Variants in MGAT5B observed in about 807,000 individuals in gnomAD.
The protein encoded by MGAT5B is alpha-1,6-mannosylglycoprotein 6-beta-N-acetylglucosaminyltransferase B, also known as N-acetylglucosaminyl-transferase Vb.
Under a neutral mutation model 95.1 loss-of-function variants are expected in MGAT5B, and 54 were observed. The observed-to-expected ratio is 0.57, with a 90% CI of 0.46 to 0.71. The LOEUF (loss-of-function observed/expected upper bound fraction) is 0.71, where lower values mean the gene tolerates loss of function less well. Among genes scored for constraint, MGAT5B ranks in the 30% least tolerant of loss-of-function variants. The pLI, the probability that MGAT5B is intolerant of heterozygous loss-of-function variation, is 0.00. For synonymous variants in MGAT5B, 464 were observed against 451.0 expected (o/e 1.03, Z -0.36); for missense variants, 935 against 1,088.6 (o/e 0.86, Z 1.99).
chr17:76,935,791 CA>C (rs1302361915), intron 12 of MGAT5B, among the ~76,000 whole-genome samples: 1 of 141,214 alleles, frequency 7.1e-6, no homozygotes, highest in African/African-American at 2.6e-5. Context: ...TCTTTTTAAA[CA>C]TATATATATT....
In MGAT5B at chr17:76,904,219, G is replaced by A. The variant is rs758165033; in HGVS notation, c.520-33G>A. 90 of 1,575,806 alleles carry A rather than the reference G, an allele frequency of 5.7e-5. 1 individual carries two copies. In the South Asian group the frequency reaches 8.1e-4, roughly 14 times the overall value. ...GTCCCCGAGGGTCAGTGGGGCTGGCGCAGCCCCCTGCCCAGCCTGGCCCTC... is the reference window on the plus strand; with the variant it reads ...GTCCCCGAGGGTCAGTGGGGCTGGCACAGCCCCCTGCCCAGCCTGGCCCTC... On this transcript the variant is annotated intron_variant, in intron 5 of 17. Transcript: ENST00000569840.
In MGAT5B at chr17:76,925,086, C is replaced by T; in HGVS notation, c.1146C>T (p.Phe382=). The T allele has an allele frequency of 6.2e-7, 1 of 1,611,226 alleles. No individual in the cohort carries two copies. The highest frequency in any genetic ancestry group is 8.5e-7 in the Non-Finnish European group (1 of 1,179,302). Residue 382 remains phenylalanine (F), a synonymous_variant, in exon 9 of 18, where the codon TTC becomes TTT. Coordinates refer to ENST00000569840, the MANE Select transcript of MGAT5B (RefSeq NM_001199172.2). Reference sequence around the variant, plus strand: ...TGAAGCGGCACATGGGACTCTCCTTCAAGAAGTACCGGTGAGAGGGCGGCC... The same window carrying T: ...TGAAGCGGCACATGGGACTCTCCTTTAAGAAGTACCGGTGAGAGGGCGGCC... ...QQMKRHMGLS[F]KKYRCRIRVI...
At chr17:76,946,508 G>A in intron 16 of MGAT5B, 58 bp downstream of exon 16, 12 of 1,442,898 alleles carry the variant, frequency 8.3e-6, no homozygotes, top group Non-Finnish European at 1.0e-5. Flanking sequence ...AGGGGGCTGA[G>A]CCAGCTTCAT....
chr17:76,902,825 A>G (rs1368525277), intron 4 of MGAT5B, among the ~76,000 whole-genome samples, 155 bp downstream of exon 4: 1 of 148,294 alleles, frequency 6.7e-6, no homozygotes, highest in Non-Finnish European at 1.5e-5. Flanking sequence ...GGCTTTCAGC[A>G]GGACAACTGG....
At chr17:76,933,321 C>T in intron 12 of MGAT5B, 24 bp downstream of exon 12, 1 of 1,598,222 alleles carries the variant, frequency 6.3e-7, no homozygotes. Context: ...TTGCCGCCTG[C>T]CCCCTCTACC....
rs146993869 is a variant in MGAT5B at position 76,940,752 on chromosome 17, C to T, written c.1752C>T (p.Tyr584=). ...TSREVFSQHP[Y]AENFIGKPHV... ...GCCAGGTGTTCTCCCAGCATCCCTA[C>T]GCGGAGAACTTCATCGGCAAGCCCC... The change falls in exon 15 of 18, where the codon TAC becomes TAT. Residue 584 remains tyrosine (Y), a synonymous_variant. Coordinates refer to ENST00000569840, the MANE Select transcript of MGAT5B (RefSeq NM_001199172.2). This position sits in a 1 kb window ranked among gnomAD's most constrained non-coding sequence, Gnocchi z 4.3. 1.1e-3 allele frequency: 1,756 copies of T among 1,614,108 alleles called. 2 individuals carry two copies. The highest frequency in any genetic ancestry group is 2.3e-3 in the Middle Eastern group (14 of 6,058).
chr17:76,911,235 C>T (rs2145206103), intron 8 of MGAT5B, among the ~76,000 whole-genome samples: 1 of 152,344 alleles, frequency 6.6e-6, no homozygotes, highest in African/African-American at 2.4e-5. Flanking sequence ...GAGGCTGTGG[C>T]TTTTCTAAGC....
chr17:76,947,256 G>A (rs752823913), intron 16 of MGAT5B, among the ~76,000 whole-genome samples: 30 of 152,208 alleles, frequency 2.0e-4, no homozygotes, highest in Non-Finnish European at 4.0e-4. Context: ...ATTAGGGGCT[G>A]AGAGAGTCTG....
At chr17:76,939,806 G>T (rs951537573) in intron 13 of MGAT5B, among the ~76,000 whole-genome samples, 2 of 152,030 alleles carry the variant, frequency 1.3e-5, no homozygotes, top group African/African-American at 4.8e-5. Context: ...ATTCACTTAG[G>T]ATATTGGCCT....
intron 8 of MGAT5B, among the ~76,000 whole-genome samples, chr17:76,922,300 G>A (rs1969145451): frequency 1.3e-5 from 2 of 152,180 alleles, no homozygotes; most frequent in African/African-American, 4.8e-5. Flanking sequence ...ATTCCATGTG[G>A]GAGGAGCAGC....
chr17:76,874,628 G>C (rs1404287334), intron 2 of MGAT5B, among the ~76,000 whole-genome samples: 6 of 152,178 alleles, frequency 3.9e-5, no homozygotes, highest in Non-Finnish European at 8.8e-5. Flanking sequence ...TGGGAATTAG[G>C]GATGGGGGAG....
In MGAT5B at chr17:76,870,098, C is replaced by T. The variant is rs902021698; in HGVS notation, c.68+1001C>T. Reference sequence around the variant, plus strand: ...GTGGGCTCCGGGCGCGGGAAGGAGCCCGAGAAGGCGGAGCTTGCAGGGGCC... The same window carrying T: ...GTGGGCTCCGGGCGCGGGAAGGAGCTCGAGAAGGCGGAGCTTGCAGGGGCC... On this transcript the variant is annotated intron_variant, in intron 1 of 17. Transcript: ENST00000569840. This position sits in a 1 kb window ranked among gnomAD's most constrained non-coding sequence, Gnocchi z 5.0. Among the ~76,000 whole-genome samples, 4 of 152,160 alleles carry T rather than the reference C, an allele frequency of 2.6e-5. No homozygotes were observed. Among genetic ancestry groups the T allele is most frequent in the African/African-American group, 9.7e-5 (4 of 41,446 alleles).
intron 3 of MGAT5B, among the ~76,000 whole-genome samples, chr17:76,900,467 G>A (rs891649913): frequency 1.3e-5 from 2 of 152,236 alleles, no homozygotes; most frequent in Non-Finnish European, 2.9e-5. Context: ...TCCATGGCTG[G>A]TGTTCTTATA....
Position 76,916,369 on chromosome 17 carries a change from C to T in MGAT5B, c.1026-8597C>T, listed in dbSNP as rs1015923933. On this transcript the variant is annotated intron_variant, in intron 8 of 17. Transcript: ENST00000569840. The surrounding 1 kb of genome is among the most constrained non-coding windows in gnomAD (Gnocchi z 5.3). The stretch of plus-strand genomic sequence containing the variant: ...AAGACCGATGGAGGCCGTGCCGTGT[C>T]GCCTTTCCCAGCTCTGGCCTGGCCT... 3.9e-5 allele frequency among the ~76,000 whole-genome samples: 6 copies of T among 152,348 alleles called. No individual in the cohort carries two copies. In the East Asian group the frequency reaches 7.7e-4, roughly 20 times the overall value.
intron 15 of MGAT5B, among the ~76,000 whole-genome samples, chr17:76,945,517 G>T (rs1418728292): frequency 1.3e-5 from 2 of 152,100 alleles, no homozygotes; most frequent in African/African-American, 2.4e-5. Flanking sequence ...TTGAACTCCT[G>T]ACCTCAGGCG....
At chr17:76,937,182 C>T (rs1402103581) in intron 12 of MGAT5B, among the ~76,000 whole-genome samples, 1 of 152,186 alleles carries the variant, frequency 6.6e-6, no homozygotes, top group Non-Finnish European at 1.5e-5. Flanking sequence ...AAAATGGATT[C>T]AGCCCCTGCA....
chr17:76,905,290 G>A lies in MGAT5B; in HGVS notation c.812G>A (p.Arg271His), dbSNP rs200952928. ...LTAQWALAAQ[R>H]LAQKLGATQR... ...GCCCAGTGGGCGCTGGCTGCCCAGCGCCTGGCACAGAAGCTGGGGGCCACC... is the reference window on the plus strand; with the variant it reads ...GCCCAGTGGGCGCTGGCTGCCCAGCACCTGGCACAGAAGCTGGGGGCCACC... Residue 271 changes from arginine (R) to histidine (H), a missense_variant, in exon 7 of 18, where the codon CGC becomes CAC. Transcript: ENST00000569840. This position sits in a 1 kb window ranked among gnomAD's most constrained non-coding sequence, Gnocchi z 4.2. 144 of 1,605,736 alleles carry A rather than the reference G, an allele frequency of 9.0e-5. No individual in the cohort carries two copies. The highest frequency in any genetic ancestry group is 3.3e-4 in the Middle Eastern group (2 of 6,032).
chr17:76,949,053 G>T lies in MGAT5B; in HGVS notation c.*215G>T. Reference sequence around the variant, plus strand: ...CCTGGGACCTCCCAGGCAGGCTCCGGTTCTCTCCTGGGGACTCACAGAAGC... The same window carrying T: ...CCTGGGACCTCCCAGGCAGGCTCCGTTTCTCTCCTGGGGACTCACAGAAGC... On this transcript the variant is annotated 3_prime_UTR_variant, in exon 18 of 18. Transcript: ENST00000569840. The T allele has an allele frequency of 1.6e-6, 1 of 608,070 alleles. No homozygotes were observed. Among genetic ancestry groups the T allele is most frequent in the Non-Finnish European group, 2.8e-6 (1 of 356,434 alleles). The allele number at this position is 608,070 out of a possible 1,614,324, so 37.7% of individuals were successfully genotyped here.
rs987272012 is a variant in MGAT5B at position 76,891,894 on chromosome 17, C to T, written c.329+9596C>T. 3.9e-5 allele frequency among the ~76,000 whole-genome samples: 6 copies of T among 152,222 alleles called. No homozygotes were observed. The East Asian group carries it at 9.7e-4, about 25-fold the overall frequency. On this transcript the variant is annotated intron_variant, in intron 3 of 17. Coordinates refer to ENST00000569840, the MANE Select transcript of MGAT5B (RefSeq NM_001199172.2). The stretch of plus-strand genomic sequence containing the variant: ...GGTGGCTTGGTGGCTCCAAAGTTCT[C>T]GGTGCTTCGAACACAGGGTTGTTCC...
Sources: allele counts gnomAD v4.1 joint callset (sites outside exome capture counted in the v4.1 genomes callset), GRCh38; gene constraint gnomAD v4.1.1; non-coding constraint Gnocchi (gnomAD v3.1); transcripts MANE v1.5; gene names NCBI Gene and HGNC (gene_info 2026-07-23, HGNC 2026-07-21).